Variants in C1orf53 observed in about 807,000 individuals in gnomAD.
C1orf53 encodes the protein uncharacterized protein C1orf53.
Under a neutral mutation model 17.5 loss-of-function variants are expected in C1orf53, and 23 were observed. The ratio of observed to expected loss-of-function variants is 1.31; its 90% confidence interval spans 0.94 to 1.86. The LOEUF (loss-of-function observed/expected upper bound fraction) is 1.86. C1orf53 is among the 40% of genes most tolerant of loss of function. The pLI, the probability that C1orf53 is intolerant of heterozygous loss-of-function variation, is 0.00. For missense variants in C1orf53, 255 were observed against 193.2 expected, an observed-to-expected ratio of 1.32 and a Z score of -1.89; for synonymous variants, 108 against 81.9, an observed-to-expected ratio of 1.32 and a Z score of -1.72.
At chr1:197,904,611 T>C (rs1174299549) in intron 1 of C1orf53, among the ~76,000 whole-genome samples, 8 of 152,338 alleles carry the variant, frequency 5.3e-5, no homozygotes, top group Admixed American at 2.0e-4. Context: ...CCTGATTTCA[T>C]GTAATCTGCT....
intron 2 of C1orf53, 104 bp downstream of exon 2, chr1:197,906,001 T>C: frequency 1.2e-6 from 1 of 854,506 alleles, no homozygotes; most frequent in Non-Finnish European, 1.9e-6. Context: ...CAAATAGACC[T>C]GGAGTGAACT....
chr1:197,905,536 T>C, intron 1 of C1orf53: 1 of 292,542 alleles, frequency 3.4e-6, no homozygotes, highest in Non-Finnish European at 6.3e-6. Context: ...TACATAGTTA[T>C]TAGGTACAGA....
chr1:197,906,171 T>C (rs1165510716), intron 2 of C1orf53, among the ~76,000 whole-genome samples: 1 of 152,190 alleles, frequency 6.6e-6, no homozygotes, highest in African/African-American at 2.4e-5. Flanking sequence ...AAACTTTTCA[T>C]GGGGTTTCAA....
At chr1:197,906,912 A>AT (rs1191809009) in intron 2 of C1orf53, among the ~76,000 whole-genome samples, 3 of 152,124 alleles carry the variant, frequency 2.0e-5, no homozygotes, top group Admixed American at 6.5e-5. Flanking sequence ...CTAAAAGTGG[A>AT]TTTTTTGACA....
chr1:197,907,167 A>T lies in C1orf53; in HGVS notation c.385A>T (p.Asn129Tyr), dbSNP rs1290049048. The T allele has an allele frequency of 1.3e-6, 2 of 1,577,064 alleles. No homozygotes were observed. The highest frequency in any genetic ancestry group is 1.7e-6 in the Non-Finnish European group (2 of 1,153,394). The change falls in exon 3 of 3, where the codon AAT (asparagine) becomes TAT (tyrosine). Residue 129 changes from asparagine (N) to tyrosine (Y), a missense_variant. By Grantham distance (143) the Asn-to-Tyr change is moderately radical. Coordinates refer to ENST00000367393, the MANE Select transcript of C1orf53 (RefSeq NM_001024594.3). The stretch of plus-strand genomic sequence containing the variant: ...TCTGCAGTGTCCATATGGTCAAGTC[A>T]ATGTTAAAGATCCATCTAAAAAGAA... ...ACRHCPYGQV[N>Y]VKDPSKKKQF...
intron 1 of C1orf53, among the ~76,000 whole-genome samples, chr1:197,903,707 T>G (rs1659476145): frequency 6.6e-6 from 1 of 152,190 alleles, no homozygotes; most frequent in Non-Finnish European, 1.5e-5. Context: ...TGGTATGACT[T>G]GAGCCAAAGG....
At chr1:197,905,213 T>A (rs563017478) in intron 1 of C1orf53, among the ~76,000 whole-genome samples, 1 of 152,132 alleles carries the variant, frequency 6.6e-6, no homozygotes, top group Non-Finnish European at 1.5e-5. Flanking sequence ...AATACTTTTT[T>A]CACTTAAAAA....
At chr1:197,905,625 T>C (rs934198076) in intron 1 of C1orf53, 171 bp from the exon 2 acceptor site, 2 of 575,606 alleles carry the variant, frequency 3.5e-6, no homozygotes, top group Non-Finnish European at 3.1e-6. Flanking sequence ...AGTTGGATTG[T>C]GTATAATGCT....
In C1orf53 at chr1:197,902,700, A is replaced by G; in HGVS notation, c.51A>G (p.Gln17=). The change falls in exon 1 of 3, where the codon CAA becomes CAG. Residue 17 remains glutamine, a synonymous_variant. Transcript: ENST00000367393. ...GGACGGGTGCCGCGCTCTGCAGGCAACCTTCCGCCGCCCCGCCGCCAGCAC... is the reference window on the plus strand; with the variant it reads ...GGACGGGTGCCGCGCTCTGCAGGCAGCCTTCCGCCGCCCCGCCGCCAGCAC... ...WARTGAALCR[Q]PSAAPPPAPL... is the part of the protein sequence containing the mutation. 1 of 1,518,104 alleles carries G rather than the reference A, an allele frequency of 6.6e-7. No individual in the cohort carries two copies. The highest frequency in any genetic ancestry group is 1.4e-5 in the African/African-American group (1 of 69,930). The allele number at this position is 1,518,104 out of a possible 1,614,324, so 94.0% of individuals were successfully genotyped here. A position where few individuals can be genotyped will look rare whatever the true frequency, so the allele number is the denominator to read the frequency against.
chr1:197,905,537 T>C (rs538308290), intron 1 of C1orf53: 26 of 294,588 alleles, frequency 8.8e-5, no homozygotes, highest in African/African-American at 5.5e-4. Flanking sequence ...ACATAGTTAT[T>C]AGGTACAGAG....
At chr1:197,906,449 T>G (rs1249407994) in intron 2 of C1orf53, among the ~76,000 whole-genome samples, 1 of 151,408 alleles carries the variant, frequency 6.6e-6, no homozygotes, top group Non-Finnish European at 1.5e-5. Context: ...TCTGTGGCTC[T>G]TTTCCAGTCT....
At chr1:197,905,190 AAT>A (rs1649790118) in intron 1 of C1orf53, among the ~76,000 whole-genome samples, 1 of 152,230 alleles carries the variant, frequency 6.6e-6, no homozygotes, top group African/African-American at 2.4e-5. Context: ...TGTGAGTGTT[AAT>A]ATGTTAAAAC....
intron 2 of C1orf53, 145 bp from the exon 3 acceptor site, chr1:197,907,004 T>TTAGGATC: frequency 2.1e-6 from 1 of 481,928 alleles, no homozygotes; most frequent in Non-Finnish European, 3.7e-6. Context: ...AGGTTGCCAA[T>TTAGGATC]ATTTTTCTCT....
rs1362320887 is a variant in C1orf53, at chr1:197,902,928, T to A, written c.264+15T>A. On this transcript the variant is annotated intron_variant, in intron 1 of 2. Transcript: ENST00000367393. ...CCGCCTGCGCGGTGAGACTCCCTCC[T>A]GCCCGCCCCGCCCCGCCGCGGCCGC... 7.3e-7 allele frequency: 1 copy of A among 1,366,212 alleles called. No homozygotes were observed. Among genetic ancestry groups the A allele is most frequent in the African/African-American group, 1.5e-5 (1 of 65,366 alleles). 84.6% of individuals were successfully genotyped at this position (1,366,212 alleles called of 1,614,324 possible). A position where few individuals can be genotyped will look rare whatever the true frequency, so the allele number is the denominator to read the frequency against.
rs772544322 is a variant in C1orf53, at chr1:197,905,857, A to C, written c.326A>C (p.His109Pro). The change falls in exon 2 of 3, where the codon CAC (histidine) becomes CCC (proline). Residue 109 changes from histidine to proline, a missense_variant. Physicochemically the swap from His to Pro is moderately conservative, Grantham distance 77. Transcript: ENST00000367393. ...TGYVVLTQIA[H>P]LQRGECCGSA... ...TATGTGGTGCTCACACAGATTGCCC[A>C]CTTGCAAAGAGGTGAATGTTGTGGC... The C allele has an allele frequency of 6.2e-7, 1 of 1,614,004 alleles. No homozygotes were observed. Among genetic ancestry groups the C allele is most frequent in the South Asian group, 1.1e-5 (1 of 91,088 alleles).
At chr1:197,903,001 G>T in intron 1 of C1orf53, 88 bp downstream of exon 1, 1 of 1,225,438 alleles carries the variant, frequency 8.2e-7, no homozygotes, top group South Asian at 2.5e-5. Flanking sequence ...GGACCCGGAG[G>T]CCGCCCGGCA....
rs1007500615 is a variant in C1orf53 at position 197,902,956 on chromosome 1, C to T, written c.264+43C>T. On this transcript the variant is annotated intron_variant, in intron 1 of 2. Transcript: ENST00000367393. Reference sequence around the variant, plus strand: ...CCGCCCCGCCCCGCCGCGGCCGCCCCGGGCTCGGCGCGCCTGCGCATCCCG... The same window carrying T: ...CCGCCCCGCCCCGCCGCGGCCGCCCTGGGCTCGGCGCGCCTGCGCATCCCG... 83 of 1,332,656 alleles carry T rather than the reference C, an allele frequency of 6.2e-5. No individual in the cohort carries two copies. The African/African-American group carries it at 1.2e-3, about 19-fold the overall frequency. The allele number at this position is 1,332,656 out of a possible 1,614,324, so 82.6% of individuals were successfully genotyped here.
chr1:197,907,249 T>C lies in C1orf53; in HGVS notation c.*29T>C, dbSNP rs548367268. The C allele has an allele frequency of 7.5e-7, 1 of 1,324,872 alleles. No individual in the cohort carries two copies. The highest frequency in any genetic ancestry group is 1.5e-5 in the African/African-American group (1 of 67,704). 82.1% of individuals were successfully genotyped at this position (1,324,872 alleles called of 1,614,324 possible). A position where few individuals can be genotyped will look rare whatever the true frequency, so the allele number is the denominator to read the frequency against. On this transcript the variant is annotated 3_prime_UTR_variant, in exon 3 of 3. Coordinates refer to ENST00000367393, the MANE Select transcript of C1orf53 (RefSeq NM_001024594.3). The stretch of plus-strand genomic sequence containing the variant: ...GAATTTCATCTCTGTTCCCTAACTG[T>C]GCTTGTATTTTTTAAAAAATAAAGC...
At chr1:197,904,600 T>C (rs1172476957) in intron 1 of C1orf53, among the ~76,000 whole-genome samples, 1 of 152,200 alleles carries the variant, frequency 6.6e-6, no homozygotes. Context: ...TGCTGAGTGC[T>C]CCTGATTTCA....
Sources: gnomAD v4.1 joint callset for allele counts (sites outside exome capture counted in the v4.1 genomes callset) on GRCh38, gnomAD v4.1.1 for gene constraint, MANE v1.5 for transcripts, NCBI Gene and HGNC (gene_info 2026-07-23, HGNC 2026-07-21) for gene names.